The following SUGCT variants were observed in gnomAD, a reference collection of about 807,000 sequenced individuals.
SUGCT encodes succinyl-CoA:glutarate-CoA transferase, also known as succinyl-CoA:glutarate CoA-transferase.
SUGCT carries 41 observed loss-of-function variants against 55.0 expected under a neutral mutation model. The ratio of observed to expected loss-of-function variants is 0.74; its 90% confidence interval spans 0.58 to 0.97. The LOEUF is 0.97. Among genes scored for constraint, SUGCT ranks in the 50% least tolerant of loss-of-function variants. SUGCT has a pLI of 0.00. For synonymous variants in SUGCT, 187 were observed against 200.4 expected, an observed-to-expected ratio of 0.93 and a Z score of 0.56; for missense variants, 568 against 547.8, an observed-to-expected ratio of 1.04 and a Z score of -0.37.
At position 40,161,780 on chromosome 7, in the gene SUGCT, T is replaced by G. The variant is rs191485816; in HGVS notation, c.101-19167T>G. Reference sequence around the variant, plus strand: ...GGCCCGTTAAAGAAGCCTGAACACCTAAGTTTTTTCCTTTGACTTGTTGAC... The same window carrying G: ...GGCCCGTTAAAGAAGCCTGAACACCGAAGTTTTTTCCTTTGACTTGTTGAC... On this transcript the variant is annotated intron_variant, in intron 1 of 13. Transcript: ENST00000335693. Among the ~76,000 whole-genome samples the G allele has an allele frequency of 5.0e-3, 755 of 152,332 alleles. 4 individuals carry two copies. The highest frequency in any genetic ancestry group is 7.8e-3 in the Non-Finnish European group (529 of 68,020).
chr7:40,164,209 CCTT>C (rs1229942082), intron 1 of SUGCT, among the ~76,000 whole-genome samples: 1 of 150,996 alleles, frequency 6.6e-6, no homozygotes, highest in East Asian at 2.0e-4. Context: ...CTTACTGCAA[CCTT>C]CTCCTCCTGG....
intron 1 of SUGCT, among the ~76,000 whole-genome samples, chr7:40,170,578 A>G (rs1160731545): frequency 1.3e-5 from 2 of 152,170 alleles, no homozygotes; most frequent in Non-Finnish European, 2.9e-5. Context: ...AGTGTCCTCT[A>G]TGGTCCTAAT....
the SUGCT span, among the ~76,000 whole-genome samples, chr7:40,880,815 G>C: frequency 2.6e-5 from 4 of 152,284 alleles, no homozygotes; most frequent in South Asian, 2.1e-4. Context: ...AAGTTCTGTT[G>C]TAAGTGTGCA....
At chr7:40,237,805 G>A in intron 7 of SUGCT, 79 bp downstream of exon 7, 1 of 1,147,390 alleles carries the variant, frequency 8.7e-7, no homozygotes, top group Non-Finnish European at 1.3e-6. Flanking sequence ...CTAACCCATA[G>A]GATTAAATGA....
chr7:41,017,605 C>T, the SUGCT span, among the ~76,000 whole-genome samples: 3 of 151,976 alleles, frequency 2.0e-5, no homozygotes, highest in Non-Finnish European at 4.4e-5. Context: ...CCCGTCTCTA[C>T]TGAAAATACA....
the SUGCT span, among the ~76,000 whole-genome samples, chr7:40,944,420 C>A: frequency 6.6e-5 from 10 of 151,478 alleles, no homozygotes; most frequent in East Asian, 1.7e-3. Flanking sequence ...TTAGGTCTAA[C>A]GTTTAAGTCT....
chr7:40,460,886 G>A (rs550395356), intron 11 of SUGCT, among the ~76,000 whole-genome samples: 151 of 152,270 alleles, frequency 9.9e-4, no homozygotes, highest in African/African-American at 3.5e-3. Context: ...GAATCGACCT[G>A]CAAGGAAGAG....
intron 6 of SUGCT, among the ~76,000 whole-genome samples, chr7:40,225,064 A>G (rs958140429): frequency 6.6e-6 from 1 of 152,254 alleles, no homozygotes; most frequent in African/African-American, 2.4e-5. Flanking sequence ...CTAGTTGAGG[A>G]AAATGAAACG....
chr7:40,492,636 T>G (rs1236425677), intron 11 of SUGCT, among the ~76,000 whole-genome samples: 2 of 152,232 alleles, frequency 1.3e-5, no homozygotes, highest in Non-Finnish European at 2.9e-5. Context: ...GATCTTTGTA[T>G]ATATTGCTCT....
chr7:40,846,461 G>T (rs930757127), intron 13 of SUGCT, among the ~76,000 whole-genome samples: 10 of 151,792 alleles, frequency 6.6e-5, no homozygotes, highest in African/African-American at 2.4e-4. Flanking sequence ...AGCACACTTT[G>T]AGGGGAGACA....
chr7:40,838,084 C>A (rs1259635417), intron 13 of SUGCT, among the ~76,000 whole-genome samples: 1 of 152,148 alleles, frequency 6.6e-6, no homozygotes, highest in Non-Finnish European at 1.5e-5. Context: ...TATTTCTGGA[C>A]TCTCTATTTC....
At chr7:40,963,779 G>T in the SUGCT span, among the ~76,000 whole-genome samples, 1 of 152,228 alleles carries the variant, frequency 6.6e-6, no homozygotes, top group Non-Finnish European at 1.5e-5. Flanking sequence ...TCTAGAAGTA[G>T]TTGCAAATCA....
At chr7:41,024,887 C>A in the SUGCT span, among the ~76,000 whole-genome samples, 1 of 152,054 alleles carries the variant, frequency 6.6e-6, no homozygotes, top group Non-Finnish European at 1.5e-5. Flanking sequence ...GCACATTGTT[C>A]GTTAAAAAAT....
At chr7:41,022,791 A>G in the SUGCT span, among the ~76,000 whole-genome samples, 1 of 152,340 alleles carries the variant, frequency 6.6e-6, no homozygotes, top group African/African-American at 2.4e-5. Flanking sequence ...TACTTTCCCA[A>G]TAGGTGAAGG....
intron 12 of SUGCT, among the ~76,000 whole-genome samples, chr7:40,570,442 T>C (rs1796379871): frequency 6.6e-6 from 1 of 152,158 alleles, no homozygotes; most frequent in South Asian, 2.1e-4. Context: ...TGGCAAGTTT[T>C]GCAGAACTGA....
chr7:40,489,867 C>T (rs1481792482), intron 11 of SUGCT, among the ~76,000 whole-genome samples: 1 of 152,144 alleles, frequency 6.6e-6, no homozygotes, highest in South Asian at 2.1e-4. Flanking sequence ...GTTCCTGATC[C>T]TTGTGGTTGT....
rs1197313045 is a variant in SUGCT at position 40,309,307 on chromosome 7, T to G, written c.721-7453T>G. Among the ~76,000 whole-genome samples, 7 of 151,756 alleles carry G rather than the reference T, an allele frequency of 4.6e-5. No homozygotes were observed. In the East Asian group the frequency reaches 5.8e-4, roughly 13 times the overall value. On this transcript the variant is annotated intron_variant, in intron 8 of 13. Transcript: ENST00000335693. ...AGTAAGTGTGATATCAGTGTTTTTT[T>G]TTTGTTTGTTTTTGAGACGGAGTCT...
chr7:40,836,707 A>G (rs193054654), intron 13 of SUGCT, among the ~76,000 whole-genome samples: 104 of 152,268 alleles, frequency 6.8e-4, no homozygotes, highest in African/African-American at 2.4e-3. Context: ...TTTATACTGC[A>G]CGTAACTTCT....
chr7:40,276,380 A>G (rs1291460543), intron 8 of SUGCT, among the ~76,000 whole-genome samples: 1 of 152,180 alleles, frequency 6.6e-6, no homozygotes, highest in Non-Finnish European at 1.5e-5. Flanking sequence ...TGAAGGTTTC[A>G]TGGGTGTGTA....
Sources: gnomAD v4.1 joint callset for allele counts (sites outside exome capture counted in the v4.1 genomes callset) on GRCh38, gnomAD v4.1.1 for gene constraint, MANE v1.5 for transcripts, NCBI Gene and HGNC (gene_info 2026-07-23, HGNC 2026-07-21) for gene names.